The following DLGAP1 variants were observed in gnomAD, a reference collection of about 807,000 sequenced individuals.
The protein encoded by DLGAP1 is disks large-associated protein 1.
A neutral mutation model predicts 90.8 loss-of-function variants in DLGAP1; 11 were observed. The observed-to-expected ratio is 0.12, with a 90% confidence interval of 0.08 to 0.20. The LOEUF (loss-of-function observed/expected upper bound fraction) is 0.20, where lower values mean the gene tolerates loss of function less well. Ranked by LOEUF, DLGAP1 falls within the 10% of genes least tolerant of loss-of-function variation. The probability of loss-of-function intolerance (pLI) is 1.00; values close to 1 mark genes in which losing one functional copy is unlikely to be tolerated. For synonymous variants in DLGAP1, 558 were observed against 540.7 expected (o/e 1.03, Z -0.44); for missense variants, 1,050 against 1,333.8 (o/e 0.79, Z 3.31).
intron 1 of DLGAP1, among the ~76,000 whole-genome samples, chr18:4,265,970 C>T (rs953200908): frequency 1.3e-5 from 2 of 151,830 alleles, no homozygotes; most frequent in Non-Finnish European, 2.9e-5. Context: ...TTACAGGCAT[C>T]ACCCACCATG....
At chr18:3,771,232 G>A (rs1317137028) in intron 5 of DLGAP1, 4 of 152,192 alleles carry the variant, frequency 2.6e-5, no homozygotes, top group African/African-American at 7.2e-5. Flanking sequence ...CACAAGCTGC[G>A]GTCCCATGGC....
intron 1 of DLGAP1, among the ~76,000 whole-genome samples, chr18:4,439,065 G>A (rs1029985244): frequency 7.9e-5 from 12 of 152,236 alleles, no homozygotes; most frequent in African/African-American, 2.4e-4. Context: ...CTTTGACATC[G>A]CTGGTCCCCG....
At chr18:4,379,547 T>A (rs1339083114) in intron 1 of DLGAP1, among the ~76,000 whole-genome samples, 1 of 152,128 alleles carries the variant, frequency 6.6e-6, no homozygotes, top group Non-Finnish European at 1.5e-5. Context: ...TGCCAACTCA[T>A]ACCAATCATT....
chr18:3,794,772 C>T (rs2065903376), intron 5 of DLGAP1, among the ~76,000 whole-genome samples: 1 of 152,236 alleles, frequency 6.6e-6, no homozygotes, highest in African/African-American at 2.4e-5. Flanking sequence ...GGAGTTACTG[C>T]TCAATCTATT....
Position 3,944,852 on chromosome 18 carries a change from C to CA in DLGAP1, c.-73+60263dup, listed in dbSNP as rs200524964. Among the ~76,000 whole-genome samples, 142 of 151,312 alleles carry CA rather than the reference C, an allele frequency of 9.4e-4. 2 individuals are homozygous for CA. The highest frequency in any genetic ancestry group is 6.8e-3 in the Middle Eastern group (2 of 294). On this transcript the variant is annotated intron_variant, in intron 3 of 12. Transcript: ENST00000315677. ...ATGGAGAAACTCACCAAGCCTTCCGCAAAAAAAACGATGAGATTGGAACCT... is the reference window on the plus strand; with the variant it reads ...ATGGAGAAACTCACCAAGCCTTCCGCAAAAAAAAACGATGAGATTGGAACCT...
At chr18:4,072,021 T>A (rs555715173) in intron 2 of DLGAP1, among the ~76,000 whole-genome samples, 1 of 152,314 alleles carries the variant, frequency 6.6e-6, no homozygotes, top group South Asian at 2.1e-4. Context: ...TAAATTTTAA[T>A]TATCTCTTGG....
intron 3 of DLGAP1, among the ~76,000 whole-genome samples, chr18:3,917,566 A>G (rs1425018024): frequency 2.6e-5 from 4 of 152,230 alleles, no homozygotes; most frequent in Non-Finnish European, 4.4e-5. Flanking sequence ...ACTAGAATTT[A>G]TAAATGTGAG....
At chr18:3,841,408 C>T (rs1205527803) in intron 4 of DLGAP1, among the ~76,000 whole-genome samples, 3 of 152,198 alleles carry the variant, frequency 2.0e-5, no homozygotes, top group Admixed American at 6.5e-5. Flanking sequence ...GAAAAATACA[C>T]TCAGGGCTGA....
At chr18:3,593,775 C>T (rs1439871253) in intron 7 of DLGAP1, 1 of 152,192 alleles carries the variant, frequency 6.6e-6, no homozygotes, top group African/African-American at 2.4e-5. Flanking sequence ...CTGGGGAGAG[C>T]AGATCTTTCA....
intron 1 of DLGAP1, among the ~76,000 whole-genome samples, chr18:4,386,311 T>C (rs1344774825): frequency 6.6e-6 from 1 of 152,222 alleles, no homozygotes; most frequent in Non-Finnish European, 1.5e-5. Context: ...CTCAGAATAG[T>C]ATTCCATTTC....
intron 7 of DLGAP1, among the ~76,000 whole-genome samples, chr18:3,642,738 G>A (rs906182496): frequency 6.6e-6 from 1 of 152,186 alleles, no homozygotes; most frequent in Non-Finnish European, 1.5e-5. Context: ...CTCAACAAAT[G>A]TTAGCTCTTT....
intron 1 of DLGAP1, among the ~76,000 whole-genome samples, chr18:4,287,058 A>G (rs1390237371): frequency 6.6e-6 from 1 of 152,170 alleles, no homozygotes. Flanking sequence ...TGGGTGGCTC[A>G]TTAGTCCATG....
At chr18:4,263,491 A>C (rs532545566) in intron 1 of DLGAP1, among the ~76,000 whole-genome samples, 2 of 152,318 alleles carry the variant, frequency 1.3e-5, no homozygotes, top group African/African-American at 4.8e-5. Context: ...AATTTAAGAA[A>C]TACAAAAAGA....
rs114477939 is a variant in DLGAP1, at chr18:3,612,211, G to T, written c.1592-29963C>A. On this transcript the variant is annotated intron_variant, in intron 7 of 12. Transcript: ENST00000315677. ...TCTCAAAATATTAAAAATAATGTAA[G>T]TTCAGGAGGCCGACCTTGATTTAAA... Among the ~76,000 whole-genome samples the T allele has an allele frequency of 2.1e-3, 323 of 152,256 alleles. 1 individual carries two copies. The highest frequency in any genetic ancestry group is 7.5e-3 in the African/African-American group (310 of 41,576).
chr18:3,987,705 T>C (rs938858322), intron 3 of DLGAP1, among the ~76,000 whole-genome samples: 13 of 152,378 alleles, frequency 8.5e-5, no homozygotes, highest in African/African-American at 2.9e-4. Context: ...GACTATTTAA[T>C]GAAATGTAAT....
At chr18:3,954,674 AG>A (rs2073051156) in intron 3 of DLGAP1, among the ~76,000 whole-genome samples, 1 of 152,204 alleles carries the variant, frequency 6.6e-6, no homozygotes, top group Non-Finnish European at 1.5e-5. Flanking sequence ...ATACAAGATT[AG>A]GAACTTTTCA....
chr18:4,412,002 G>C (rs1285177734), intron 1 of DLGAP1, among the ~76,000 whole-genome samples: 1 of 152,192 alleles, frequency 6.6e-6, no homozygotes, highest in African/African-American at 2.4e-5. Context: ...TATATAGGGA[G>C]AATGTCAGGG....
chr18:4,136,905 G>C (rs554168408), intron 2 of DLGAP1, among the ~76,000 whole-genome samples: 2 of 151,914 alleles, frequency 1.3e-5, no homozygotes, highest in Non-Finnish European at 2.9e-5. Flanking sequence ...TTTTGATGTG[G>C]TTTTTTTATT....
intron 7 of DLGAP1, among the ~76,000 whole-genome samples, chr18:3,629,477 C>T (rs1304858841): frequency 6.6e-6 from 1 of 152,050 alleles, no homozygotes; most frequent in East Asian, 1.9e-4. Context: ...CGAGACCATC[C>T]TGGCTAACAC....
Sources: gnomAD v4.1 joint callset for allele counts (sites outside exome capture counted in the v4.1 genomes callset) on GRCh38, gnomAD v4.1.1 for gene constraint, MANE v1.5 for transcripts, NCBI Gene and HGNC (gene_info 2026-07-23, HGNC 2026-07-21) for gene names.